Variants in PHKB observed in about 807,000 individuals in gnomAD.
PHKB encodes phosphorylase kinase regulatory subunit beta.
Under a neutral mutation model 152.1 loss-of-function variants are expected in PHKB, and 122 were observed. The observed-to-expected ratio is 0.80, with a 90% CI of 0.69 to 0.93. The LOEUF is 0.93. Among genes scored for constraint, PHKB ranks in the 40% least tolerant of loss-of-function variants. The probability of loss-of-function intolerance (pLI) is 0.00; values close to 1 mark genes in which losing one functional copy is unlikely to be tolerated. For synonymous variants in PHKB, 436 were observed against 464.9 expected, an observed-to-expected ratio of 0.94 and a Z score of 0.80; for missense variants, 1,304 against 1,328.4, an observed-to-expected ratio of 0.98 and a Z score of 0.29.
chr16:47,480,553 C>G (rs1408819144), intron 1 of PHKB, among the ~76,000 whole-genome samples: 1 of 152,136 alleles, frequency 6.6e-6, no homozygotes, highest in East Asian at 1.9e-4. Context: ...AAACAGCAAA[C>G]AGTCTTCAAA....
At chr16:47,587,868 C>A in intron 9 of PHKB, 105 bp downstream of exon 9, 2 of 889,918 alleles carry the variant, frequency 2.2e-6, no homozygotes, top group Non-Finnish European at 3.6e-6. Flanking sequence ...TAGTGATCGT[C>A]CAGAAGGGAT....
chr16:47,690,294 A>G (rs1372901855), intron 27 of PHKB, among the ~76,000 whole-genome samples: 1 of 152,232 alleles, frequency 6.6e-6, no homozygotes, highest in Non-Finnish European at 1.5e-5. Flanking sequence ...AAATGTAAAA[A>G]TGAAATAATA....
chr16:47,683,617 G>T (rs372263311), intron 26 of PHKB, among the ~76,000 whole-genome samples: 16 of 152,174 alleles, frequency 1.1e-4, no homozygotes, highest in African/African-American at 3.6e-4. Flanking sequence ...TTGGAAAAGC[G>T]CAGTATTAGG....
chr16:47,620,750 T>TACAA (rs780910591), intron 14 of PHKB, among the ~76,000 whole-genome samples: 15 of 152,094 alleles, frequency 9.9e-5, no homozygotes, highest in Middle Eastern at 3.2e-3. Flanking sequence ...GGCGTGTACT[T>TACAA]GTAGTCCCAG....
At chr16:47,591,086 C>G (rs543966461) in intron 10 of PHKB, among the ~76,000 whole-genome samples, 5 of 152,284 alleles carry the variant, frequency 3.3e-5, no homozygotes, top group African/African-American at 9.6e-5. Context: ...CACTTGTTTT[C>G]TTCTGTGATA....
At chr16:47,513,174 A>G (rs934052528) in intron 5 of PHKB, among the ~76,000 whole-genome samples, 4 of 151,902 alleles carry the variant, frequency 2.6e-5, no homozygotes, top group African/African-American at 9.7e-5. Flanking sequence ...ATTTTGGTCA[A>G]CCTGTTATGT....
intron 7 of PHKB, among the ~76,000 whole-genome samples, chr16:47,550,603 C>T (rs548127033): frequency 2.6e-5 from 4 of 152,286 alleles, no homozygotes; most frequent in South Asian, 4.1e-4. Flanking sequence ...GCTGAAGTGA[C>T]TGGCTCTTCC....
At chr16:47,538,342 G>A (rs915365530) in intron 6 of PHKB, among the ~76,000 whole-genome samples, 1 of 152,224 alleles carries the variant, frequency 6.6e-6, no homozygotes, top group African/African-American at 2.4e-5. Flanking sequence ...AAGGTATATA[G>A]GCAAGGTAGC....
At chr16:47,499,934 A>G (rs1970297166) in intron 3 of PHKB, 40 bp downstream of exon 3, 6 of 1,612,298 alleles carry the variant, frequency 3.7e-6, no homozygotes, top group Non-Finnish European at 5.1e-6. Flanking sequence ...TTGAGAGTGG[A>G]TAATAGGGTT....
At chr16:47,658,680 T>C (rs1296878146) in intron 20 of PHKB, among the ~76,000 whole-genome samples, 1 of 152,204 alleles carries the variant, frequency 6.6e-6, no homozygotes, top group East Asian at 1.9e-4. Flanking sequence ...CTGTGCCATA[T>C]AGCTTAGTGC....
chr16:47,578,339 G>T (rs1332277565), intron 7 of PHKB, among the ~76,000 whole-genome samples: 1 of 151,708 alleles, frequency 6.6e-6, no homozygotes, highest in Non-Finnish European at 1.5e-5. Flanking sequence ...TTTTTCATTT[G>T]GTTTGAGATC....
intron 27 of PHKB, among the ~76,000 whole-genome samples, chr16:47,690,936 T>G (rs1254717881): frequency 6.6e-6 from 1 of 152,138 alleles, no homozygotes; most frequent in Non-Finnish European, 1.5e-5. Flanking sequence ...AAGGGCATGA[T>G]GGGCCGGGCA....
chr16:47,664,787 A>G (rs1361728162), intron 24 of PHKB, 98 bp from the exon 25 acceptor site: 14 of 771,696 alleles, frequency 1.8e-5, no homozygotes, highest in Non-Finnish European at 3.2e-5. Flanking sequence ...ATCATTAACT[A>G]GCAAACATTT....
At chr16:47,646,568 AT>A (rs1490198750) in intron 16 of PHKB, among the ~76,000 whole-genome samples, 4 of 142,572 alleles carry the variant, frequency 2.8e-5, no homozygotes, top group South Asian at 2.1e-4. Context: ...AAATAAAAAA[AT>A]AATAAAAAAA....
chr16:47,580,820 A>G (rs1971831804), intron 8 of PHKB, among the ~76,000 whole-genome samples: 1 of 152,068 alleles, frequency 6.6e-6, no homozygotes, highest in Non-Finnish European at 1.5e-5. Context: ...TTCACCTTCA[A>G]CTGGCTATAA....
intron 16 of PHKB, 29 bp from the exon 17 acceptor site, chr16:47,648,504 A>T: frequency 7.0e-7 from 1 of 1,429,602 alleles, no homozygotes; most frequent in Non-Finnish European, 9.9e-7. Context: ...TTCTTACCTG[A>T]CTCTAATTTA....
chr16:47,533,963 G>A (rs1209310329), intron 6 of PHKB, among the ~76,000 whole-genome samples: 1 of 152,198 alleles, frequency 6.6e-6, no homozygotes, highest in African/African-American at 2.4e-5. Context: ...TTGGGCGGCT[G>A]CAGCTGCACC....
chr16:47,528,096 A>G (rs1225919104), intron 6 of PHKB, among the ~76,000 whole-genome samples: 1 of 152,230 alleles, frequency 6.6e-6, no homozygotes, highest in East Asian at 1.9e-4. Context: ...ACAGTTCTTA[A>G]GCTTTTTATT....
Position 47,502,960 on chromosome 16 carries a change from A to G in PHKB, c.306-31A>G, listed in dbSNP as rs372124962. 112 of 1,384,450 alleles carry G rather than the reference A, an allele frequency of 8.1e-5. No homozygotes were observed. In the African/African-American group the frequency reaches 1.2e-3, roughly 15 times the overall value. 85.8% of individuals were successfully genotyped at this position (1,384,450 alleles called of 1,614,324 possible). A position where few individuals can be genotyped will look rare whatever the true frequency, so the allele number is the denominator to read the frequency against. ...TGCTTCCTTTTCAAATGCATTTCCA[A>G]TTAGTTTCATGAGTTATCTCTCTCA... On this transcript the variant is annotated intron_variant, in intron 3 of 30. Coordinates refer to ENST00000323584, the MANE Select transcript of PHKB (RefSeq NM_000293.3).
Sources: gnomAD v4.1 joint callset for allele counts (sites outside exome capture counted in the v4.1 genomes callset) on GRCh38, gnomAD v4.1.1 for gene constraint, MANE v1.5 for transcripts, NCBI Gene and HGNC (gene_info 2026-07-23, HGNC 2026-07-21) for gene names.